The following TRHDE variants were observed in gnomAD, a reference collection of about 807,000 sequenced individuals.
TRHDE encodes thyrotropin releasing hormone degrading enzyme, also known as thyrotropin-releasing hormone-degrading ectoenzyme.
A neutral mutation model predicts 125.7 loss-of-function variants in TRHDE; 72 were observed. The observed-to-expected ratio is 0.57, with a 90% CI of 0.47 to 0.70. The LOEUF (loss-of-function observed/expected upper bound fraction) is 0.70. Ranked by LOEUF, TRHDE falls within the 30% of genes least tolerant of loss-of-function variation. The pLI, the probability that TRHDE is intolerant of heterozygous loss-of-function variation, is 0.00. For missense variants in TRHDE, 1,110 were observed against 1,327.1 expected (o/e 0.84, Z 2.54); for synonymous variants, 509 against 509.1 (o/e 1.00, Z 0.00).
intron 12 of TRHDE, among the ~76,000 whole-genome samples, chr12:72,613,826 G>T (rs1165741681): frequency 6.6e-6 from 1 of 152,202 alleles, no homozygotes; most frequent in African/African-American, 2.4e-5. Context: ...ATTACTAATT[G>T]TGTTAGGCCA....
intron 2 of TRHDE, among the ~76,000 whole-genome samples, chr12:72,321,863 A>G (rs867141301): frequency 1.3e-5 from 2 of 152,172 alleles, no homozygotes; most frequent in African/African-American, 2.4e-5. Context: ...ATACACATAT[A>G]TATCTACATA....
intron 6 of TRHDE, among the ~76,000 whole-genome samples, chr12:72,503,450 T>A (rs1309700826): frequency 1.3e-5 from 2 of 152,156 alleles, no homozygotes; most frequent in Non-Finnish European, 2.9e-5. Context: ...AGAAGAGATA[T>A]AACAATCAAT....
At chr12:72,583,217 C>T (rs953254532) in intron 12 of TRHDE, among the ~76,000 whole-genome samples, 5 of 152,172 alleles carry the variant, frequency 3.3e-5, no homozygotes, top group Admixed American at 2.0e-4. Context: ...TTATTTATTG[C>T]AAACTACGAT....
chr12:72,607,039 A>G (rs1449922615), intron 12 of TRHDE, among the ~76,000 whole-genome samples: 1 of 152,150 alleles, frequency 6.6e-6, no homozygotes, highest in African/African-American at 2.4e-5. Context: ...TTAGGATCTA[A>G]ATGATTTTAC....
chr12:72,497,205 A>T (rs1411561215), intron 5 of TRHDE, among the ~76,000 whole-genome samples: 1 of 152,112 alleles, frequency 6.6e-6, no homozygotes, highest in Non-Finnish European at 1.5e-5. Context: ...CTGACTAGGC[A>T]AGGTTTGTTT....
At chr12:72,458,167 A>T (rs955363854) in intron 3 of TRHDE, among the ~76,000 whole-genome samples, 3 of 152,268 alleles carry the variant, frequency 2.0e-5, no homozygotes, top group Middle Eastern at 3.4e-3. Context: ...TGTGTAAAAT[A>T]TTTTACAATT....
At chr12:72,564,044 T>G (rs971486607) in intron 9 of TRHDE, among the ~76,000 whole-genome samples, 2 of 152,202 alleles carry the variant, frequency 1.3e-5, no homozygotes, top group African/African-American at 4.8e-5. Context: ...AGTCACTCAA[T>G]CTAAGTGACT....
intron 15 of TRHDE, among the ~76,000 whole-genome samples, chr12:72,642,834 T>C (rs1299072374): frequency 2.0e-5 from 3 of 152,224 alleles, no homozygotes; most frequent in Non-Finnish European, 4.4e-5. Context: ...CTGTGGGTTC[T>C]GTGGGGTGTT....
At chr12:72,199,433 C>G (rs923254846) in intron 2 of TRHDE, among the ~76,000 whole-genome samples, 27 of 152,258 alleles carry the variant, frequency 1.8e-4, no homozygotes, top group African/African-American at 6.5e-4. Flanking sequence ...CAGGTACTAC[C>G]TGGATAGAGC....
intron 9 of TRHDE, among the ~76,000 whole-genome samples, chr12:72,566,904 A>G (rs1322541864): frequency 1.3e-5 from 2 of 151,954 alleles, no homozygotes; most frequent in Non-Finnish European, 2.9e-5. Context: ...TTTATGATTT[A>G]GAGTAGAAAT....
intron 6 of TRHDE, among the ~76,000 whole-genome samples, chr12:72,522,083 C>T (rs1868261664): frequency 1.3e-5 from 2 of 152,188 alleles, no homozygotes. Context: ...TGCTGTATTA[C>T]TACTCTTTCC....
chr12:72,524,531 G>A (rs535765719), intron 6 of TRHDE, among the ~76,000 whole-genome samples: 39 of 152,152 alleles, frequency 2.6e-4, no homozygotes, highest in African/African-American at 9.4e-4. Flanking sequence ...AGTTATGCTG[G>A]TATTCACTTG....
Position 72,623,163 on chromosome 12 carries a change from C to G in TRHDE, c.2675+1412C>G, listed in dbSNP as rs555808865. Among the ~76,000 whole-genome samples the G allele has an allele frequency of 1.1e-3, 162 of 151,930 alleles. 1 individual carries two copies. Among genetic ancestry groups the G allele is most frequent in the Non-Finnish European group, 2.2e-3 (151 of 67,910 alleles). ...AAACATTTATCCAACATAAATACAGCCAAAATTTTATTAAAATCCATATCA... is the reference window on the plus strand; with the variant it reads ...AAACATTTATCCAACATAAATACAGGCAAAATTTTATTAAAATCCATATCA... On this transcript the variant is annotated intron_variant, in intron 15 of 18. Coordinates refer to ENST00000261180, the MANE Select transcript of TRHDE (RefSeq NM_013381.3).
rs930976603 is a variant in TRHDE at position 72,243,970 on chromosome 12, G to C, written n.280-134025G>C. Among the ~76,000 whole-genome samples, 33 of 152,238 alleles carry C rather than the reference G, an allele frequency of 2.2e-4. 1 individual carries two copies. The highest frequency in any genetic ancestry group is 1.7e-3 in the South Asian group (8 of 4,828). On this transcript the variant is annotated intron_variant and non_coding_transcript_variant, in intron 2 of 4. Transcript: ENST00000548156. Reference sequence around the variant, plus strand: ...TTTTTAACACTCGCCCACAGACCAGGTGTGTAGGGTATGTATAACATATAG... The same window carrying C: ...TTTTTAACACTCGCCCACAGACCAGCTGTGTAGGGTATGTATAACATATAG...
chr12:72,518,440 C>G (rs923963875), intron 6 of TRHDE, among the ~76,000 whole-genome samples: 6 of 151,966 alleles, frequency 3.9e-5, no homozygotes, highest in Admixed American at 3.3e-4. Flanking sequence ...GGTTTAAAGT[C>G]TGTTTTATCA....
intron 3 of TRHDE, among the ~76,000 whole-genome samples, chr12:72,425,361 G>T (rs191746251): frequency 6.6e-6 from 1 of 152,076 alleles, no homozygotes; most frequent in Admixed American, 6.6e-5. Flanking sequence ...ATTTTTGTCT[G>T]ATTGCTAAGT....
At chr12:72,524,592 T>C (rs752872050) in intron 6 of TRHDE, among the ~76,000 whole-genome samples, 14 of 152,176 alleles carry the variant, frequency 9.2e-5, no homozygotes, top group Non-Finnish European at 1.6e-4. Context: ...AATTCAGTTT[T>C]ATAGCACAGT....
Position 72,272,710 on chromosome 12 carries a change from A to G in TRHDE, c.67A>G (p.Lys23Glu). Residue 23 changes from lysine to glutamate, a missense_variant, in exon 1 of 19, where the codon AAG becomes GAG. Physicochemically the swap from Lys to Glu is moderately conservative, Grantham distance 56. Around this residue, in one of 5 missense-constraint regions of TRHDE, gnomAD observed 248 missense variants for 240.8 expected, o/e 1.03. Transcript: ENST00000261180. The surrounding 1 kb of genome is among the most constrained non-coding windows in gnomAD (Gnocchi z 6.7). ...GAAAAAGAAGAAGAAAAAGAAGAGGAAGAAGAAGAAGGAGGAGGAGGAGGA... is the reference window on the plus strand; with the variant it reads ...GAAAAAGAAGAAGAAAAAGAAGAGGGAGAAGAAGAAGGAGGAGGAGGAGGA... ...EKKKKKKKKR[K>E]KKKEEEEEEE... The G allele has an allele frequency of 7.1e-7, 1 of 1,400,076 alleles. No individual in the cohort carries two copies. The highest frequency in any genetic ancestry group is 9.3e-7 in the Non-Finnish European group (1 of 1,069,560). 86.7% of individuals were successfully genotyped at this position (1,400,076 alleles called of 1,614,324 possible).
chr12:72,276,080 C>A (rs1006643710), intron 1 of TRHDE, among the ~76,000 whole-genome samples: 3 of 151,910 alleles, frequency 2.0e-5, no homozygotes, highest in African/African-American at 7.3e-5. Flanking sequence ...CATAGTTATG[C>A]AAACTTTCTA....
Sources: gnomAD v4.1 joint callset for allele counts (sites outside exome capture counted in the v4.1 genomes callset) on GRCh38, gnomAD v4.1.1 for gene constraint, gnomAD v4.1.1 regional missense constraint, Gnocchi (gnomAD v3.1) non-coding constraint, MANE v1.5 for transcripts, NCBI Gene and HGNC (gene_info 2026-07-23, HGNC 2026-07-21) for gene names.